The following CSMD1 variants were observed in gnomAD, a reference collection of about 807,000 sequenced individuals.
The protein encoded by CSMD1 is CUB and sushi domain-containing protein 1.
In CSMD1, 213 loss-of-function variants were observed where a neutral mutation model predicts 417.5. The observed-to-expected ratio is 0.51, with a 90% CI of 0.46 to 0.57. The LOEUF (loss-of-function observed/expected upper bound fraction) is 0.57. CSMD1 is among the 20% of genes least tolerant of loss of function. The pLI is 0.00. For missense variants in CSMD1, 6,923 were observed against 4,529.7 expected, an observed-to-expected ratio of 1.53 and a Z score of -15.17; for synonymous variants, 2,862 against 1,736.8, an observed-to-expected ratio of 1.65 and a Z score of -16.11.
intron 8 of CSMD1, among the ~76,000 whole-genome samples, chr8:3,602,233 C>A (rs1197817577): frequency 6.6e-6 from 1 of 152,152 alleles, no homozygotes; most frequent in Non-Finnish European, 1.5e-5. Flanking sequence ...AAACCAGAAC[C>A]TTCGGGGTAA....
chr8:3,182,527 G>C (rs1272362059), intron 36 of CSMD1, among the ~76,000 whole-genome samples: 2 of 150,518 alleles, frequency 1.3e-5, no homozygotes, highest in African/African-American at 4.9e-5. Context: ...CAAGAGATTT[G>C]ATCAGACCAA....
chr8:3,112,321 C>T (rs969171210), intron 42 of CSMD1, among the ~76,000 whole-genome samples: 1 of 152,176 alleles, frequency 6.6e-6, no homozygotes. Context: ...GCTAAGGTTT[C>T]CCTTTTGCAT....
At chr8:4,173,910 T>C (rs1309767272) in intron 3 of CSMD1, among the ~76,000 whole-genome samples, 1 of 152,130 alleles carries the variant, frequency 6.6e-6, no homozygotes, top group Non-Finnish European at 1.5e-5. Context: ...TCAGTACACA[T>C]GGCTCAGGGT....
chr8:3,119,403 A>AAC (rs1817061085), intron 41 of CSMD1, among the ~76,000 whole-genome samples: 1 of 147,656 alleles, frequency 6.8e-6, no homozygotes, highest in Non-Finnish European at 1.5e-5. Context: ...AAAAAAAAAA[A>AAC]AAAAAAAAAC....
intron 26 of CSMD1, among the ~76,000 whole-genome samples, chr8:3,259,294 A>T (rs1194972444): frequency 6.6e-6 from 1 of 152,210 alleles, no homozygotes; most frequent in South Asian, 2.1e-4. Context: ...TTGAAAACTC[A>T]TGGATTTCTA....
chr8:4,575,827 C>A (rs1438449568), intron 2 of CSMD1, among the ~76,000 whole-genome samples: 1 of 152,160 alleles, frequency 6.6e-6, no homozygotes, highest in Admixed American at 6.5e-5. Context: ...GTCGCAATGT[C>A]CTTAGACTAG....
chr8:4,186,776 C>A lies in CSMD1; in HGVS notation c.416-154677G>T, dbSNP rs143192849. On this transcript the variant is annotated intron_variant, in intron 3 of 69. Coordinates refer to ENST00000635120, the MANE Select transcript of CSMD1 (RefSeq NM_033225.6). ...CTGAGGCGGGTGGATCACTTGAGGTCAGGAGTTCAAGACCAGCCTGGTCTA... is the reference window on the plus strand; with the variant it reads ...CTGAGGCGGGTGGATCACTTGAGGTAAGGAGTTCAAGACCAGCCTGGTCTA... Among the ~76,000 whole-genome samples, 766 of 151,090 alleles carry A rather than the reference C, an allele frequency of 5.1e-3. 3 individuals are homozygous for A. Among genetic ancestry groups the A allele is most frequent in the Middle Eastern group, 0.01 (3 of 292 alleles).
intron 3 of CSMD1, among the ~76,000 whole-genome samples, chr8:4,392,284 A>G (rs1443693597): frequency 6.6e-6 from 1 of 152,178 alleles, no homozygotes; most frequent in Non-Finnish European, 1.5e-5. Context: ...CTGATAATAT[A>G]TCCTGGAATA....
chr8:3,060,459 G>C (rs1294972737), intron 49 of CSMD1, among the ~76,000 whole-genome samples: 1 of 152,056 alleles, frequency 6.6e-6, no homozygotes, highest in African/African-American at 2.4e-5. Flanking sequence ...AAAGTGCTGG[G>C]ATTATGGGCA....
chr8:3,982,043 C>A (rs1461464169), intron 5 of CSMD1, among the ~76,000 whole-genome samples: 1 of 151,642 alleles, frequency 6.6e-6, no homozygotes, highest in East Asian at 1.9e-4. Flanking sequence ...CGGTGACGGT[C>A]GCCTGTAATC....
chr8:3,785,211 T>C (rs1020056563), intron 5 of CSMD1, among the ~76,000 whole-genome samples: 1 of 152,238 alleles, frequency 6.6e-6, no homozygotes. Context: ...AGAGTTGTTA[T>C]GAAGAATCAA....
At chr8:4,776,529 G>T (rs1796860488) in intron 1 of CSMD1, among the ~76,000 whole-genome samples, 2 of 152,182 alleles carry the variant, frequency 1.3e-5, no homozygotes, top group African/African-American at 2.4e-5. Flanking sequence ...AGGAATGGTG[G>T]CACCATATTT....
intron 39 of CSMD1, among the ~76,000 whole-genome samples, chr8:3,153,976 C>G (rs1819359553): frequency 6.6e-6 from 1 of 152,038 alleles, no homozygotes; most frequent in Non-Finnish European, 1.5e-5. Context: ...TCCTTTGTAA[C>G]TTTTTTTTAA....
At chr8:4,406,337 A>G (rs73658850) in intron 3 of CSMD1, among the ~76,000 whole-genome samples, 2 of 152,214 alleles carry the variant, frequency 1.3e-5, no homozygotes, top group East Asian at 3.9e-4. Context: ...AACACACTCA[A>G]AATGACAGAA....
At chr8:4,401,696 C>T (rs1804654843) in intron 3 of CSMD1, among the ~76,000 whole-genome samples, 1 of 152,136 alleles carries the variant, frequency 6.6e-6, no homozygotes, top group South Asian at 2.1e-4. Flanking sequence ...ACTCACCTCC[C>T]ATCTAATCCT....
At chr8:4,205,273 A>G (rs116244933) in intron 3 of CSMD1, among the ~76,000 whole-genome samples, 1 of 152,196 alleles carries the variant, frequency 6.6e-6, no homozygotes, top group Admixed American at 6.5e-5. Flanking sequence ...CTGCTCATAT[A>G]GTTTTTACAA....
At position 3,667,652 on chromosome 8, in the gene CSMD1, G is replaced by A. The variant is rs530024876; in HGVS notation, c.1009+40762C>T. On this transcript the variant is annotated intron_variant, in intron 7 of 69. Transcript: ENST00000635120. Reference sequence around the variant, plus strand: ...TATTTGGGTTGCTCTGGAAACCCAGGCCTTGGGGTGAAGAGCAGTTGTCCA... The same window carrying A: ...TATTTGGGTTGCTCTGGAAACCCAGACCTTGGGGTGAAGAGCAGTTGTCCA... Among the ~76,000 whole-genome samples, 14 of 152,288 alleles carry A rather than the reference G, an allele frequency of 9.2e-5. No individual in the cohort carries two copies. In the East Asian group the frequency reaches 2.7e-3, roughly 30 times the overall value.
intron 18 of CSMD1, among the ~76,000 whole-genome samples, chr8:3,379,557 C>T (rs751131766): frequency 5.9e-5 from 9 of 152,104 alleles, no homozygotes; most frequent in Non-Finnish European, 1.0e-4. Context: ...GATATATAGA[C>T]CAATGGAACA....
chr8:4,186,183 T>C lies in CSMD1; in HGVS notation c.416-154084A>G, dbSNP rs55873970. 7.0e-3 allele frequency among the ~76,000 whole-genome samples: 1,061 copies of C among 152,256 alleles called. 15 individuals carry two copies. Among genetic ancestry groups the C allele is most frequent in the African/African-American group, 0.025 (1,025 of 41,550 alleles). On this transcript the variant is annotated intron_variant, in intron 3 of 69. Transcript: ENST00000635120. ...TGAGAAGCAGTCAAGGTGCCCTGAA[T>C]GTTCCAGAGAACATTGTGGAACACT...
Sources: allele counts gnomAD v4.1 joint callset (sites outside exome capture counted in the v4.1 genomes callset), GRCh38; gene constraint gnomAD v4.1.1; transcripts MANE v1.5; gene names NCBI Gene and HGNC (gene_info 2026-07-23, HGNC 2026-07-21).